Variants in SATB2 observed in about 807,000 individuals in gnomAD.
SATB2 encodes the protein DNA-binding protein SATB2.
Under a neutral mutation model 73.4 loss-of-function variants are expected in SATB2, and 1 was observed. That is an observed-to-expected ratio of 0.01 (90% confidence interval 0.00 to 0.06). The LOEUF (loss-of-function observed/expected upper bound fraction) is 0.06. Among genes scored for constraint, SATB2 ranks in the 10% least tolerant of loss-of-function variants. The pLI, the probability that SATB2 is intolerant of heterozygous loss-of-function variation, is 1.00. For synonymous variants in SATB2, 397 were observed against 367.0 expected, an observed-to-expected ratio of 1.08 and a Z score of -0.93; for missense variants, 459 against 945.8, an observed-to-expected ratio of 0.49 and a Z score of 6.75.
At chr2:199,305,523 T>G (rs1257498746) in intron 10 of SATB2, among the ~76,000 whole-genome samples, 1 of 152,146 alleles carries the variant, frequency 6.6e-6, no homozygotes, top group Non-Finnish European at 1.5e-5. Flanking sequence ...GCTTAAAATG[T>G]CTAAACCTTT....
intron 10 of SATB2, among the ~76,000 whole-genome samples, chr2:199,303,108 C>T (rs1037199500): frequency 6.6e-6 from 1 of 152,180 alleles, no homozygotes; most frequent in African/African-American, 2.4e-5. Flanking sequence ...TGCTGGCTGT[C>T]GCACGTTAGC....
At chr2:199,400,991 C>G (rs1437630742) in intron 3 of SATB2, among the ~76,000 whole-genome samples, 1 of 152,130 alleles carries the variant, frequency 6.6e-6, no homozygotes, top group African/African-American at 2.4e-5. Flanking sequence ...AGGCCTGACT[C>G]AACTAATTCA....
In SATB2 at chr2:199,270,690, G is replaced by A. The variant is rs919718179; in HGVS notation, c.*1521C>T. ...GCCGAAAGAGATCTGGAGTACTATA[G>A]TAGATTGCAGCTTTAATGCTCATCC... is the stretch of plus-strand genomic sequence containing the variant. On this transcript the variant is annotated 3_prime_UTR_variant, in exon 11 of 11. Coordinates refer to ENST00000417098, the MANE Select transcript of SATB2 (RefSeq NM_001172509.2). The A allele has an allele frequency of 2.6e-5, 4 of 152,326 alleles. No individual in the cohort carries two copies. Among genetic ancestry groups the A allele is most frequent in the African/African-American group, 7.2e-5 (3 of 41,454 alleles). The allele number at this position is 152,326 out of a possible 1,614,324, so 9.4% of individuals were successfully genotyped here.
intron 9 of SATB2, among the ~76,000 whole-genome samples, chr2:199,316,144 G>A (rs965021100): frequency 1.3e-5 from 2 of 152,114 alleles, no homozygotes; most frequent in Non-Finnish European, 2.9e-5. Flanking sequence ...ACAAACTTTT[G>A]TAACTGTGAA....
At chr2:199,408,662 T>C (rs1442217623) in intron 3 of SATB2, among the ~76,000 whole-genome samples, 1 of 118,048 alleles carries the variant, frequency 8.5e-6, no homozygotes, top group African/African-American at 3.3e-5. Flanking sequence ...CAAAGACTCC[T>C]GTGGTTGTTT....
Position 199,368,620 on chromosome 2 carries a change from A to G in SATB2, c.685T>C (p.Tyr229His). 1 of 1,601,396 alleles carries G rather than the reference A, an allele frequency of 6.2e-7. No individual in the cohort carries two copies. Among genetic ancestry groups the G allele is most frequent in the Non-Finnish European group, 8.6e-7 (1 of 1,168,778 alleles). Residue 229 changes from tyrosine to histidine, a missense_variant, in exon 6 of 11, where the codon TAC (tyrosine) becomes CAC (histidine). Tyr to His is a moderately conservative substitution (Grantham distance 83). Transcript: ENST00000417098. ...GTCAGTTTACCTTTAATCTTCTTGTACTTTTTATACCATCTCCCAAACTCC... is the reference window on the plus strand; with the variant it reads ...GTCAGTTTACCTTTAATCTTCTTGTGCTTTTTATACCATCTCCCAAACTCC... ...CQEFGRWYKK[Y>H]KKIKVERVER...
intron 7 of SATB2, among the ~76,000 whole-genome samples, chr2:199,333,347 A>G (rs1688243072): frequency 6.6e-6 from 1 of 152,124 alleles, no homozygotes; most frequent in African/African-American, 2.4e-5. Flanking sequence ...AGCCAGAACT[A>G]GTGTCACCTT....
At chr2:199,359,904 T>C (rs1689088848) in intron 6 of SATB2, among the ~76,000 whole-genome samples, 1 of 152,180 alleles carries the variant, frequency 6.6e-6, no homozygotes, top group South Asian at 2.1e-4. Flanking sequence ...AGTTCAGAAC[T>C]CCAAGGGTCA....
intron 3 of SATB2, among the ~76,000 whole-genome samples, chr2:199,382,051 A>C (rs954645381): frequency 6.6e-6 from 1 of 152,146 alleles, no homozygotes; most frequent in African/African-American, 2.4e-5. Context: ...CAGTTCTTTT[A>C]TGTTTTCCTG....
In SATB2 at chr2:199,352,965, T is replaced by C. The variant is rs374845731; in HGVS notation, c.701-3792A>G. ...TGCCTCTGAGACTAGTCACCCTTTA[T>C]GTTTTTCAGCTCCTAACAGTTCTAC... On this transcript the variant is annotated intron_variant, in intron 6 of 10. Transcript: ENST00000417098. Among the ~76,000 whole-genome samples, 9 of 152,188 alleles carry C rather than the reference T, an allele frequency of 5.9e-5. No homozygotes were observed. In the East Asian group the frequency reaches 1.2e-3, roughly 20 times the overall value.
chr2:199,348,685 T>C lies in SATB2; in HGVS notation c.1173+16A>G. On this transcript the variant is annotated intron_variant, in intron 7 of 10. Transcript: ENST00000417098. Reference sequence around the variant, plus strand: ...CCAGTATTACTGTTAATTACAGTGTTTAATGCTAATTGTACCTGTGTGCGG... The same window carrying C: ...CCAGTATTACTGTTAATTACAGTGTCTAATGCTAATTGTACCTGTGTGCGG... 1 of 1,548,936 alleles carries C rather than the reference T, an allele frequency of 6.5e-7. No individual in the cohort carries two copies. Among genetic ancestry groups the C allele is most frequent in the Middle Eastern group, 1.7e-4 (1 of 5,738 alleles).
At position 199,456,000 on chromosome 2, in the gene SATB2, C is replaced by A; in HGVS notation, c.38G>T (p.Ser13Ile). The A allele has an allele frequency of 6.5e-7, 1 of 1,543,028 alleles. No homozygotes were observed. Residue 13 changes from serine to isoleucine, a missense_variant, in exon 2 of 11, where the codon AGC becomes ATC. This residue lies in a region of SATB2 where 74 missense variants were observed against 113.3 expected (regional missense o/e 0.65). Transcript: ENST00000417098. The surrounding 1 kb of genome is among the most constrained non-coding windows in gnomAD (Gnocchi z 4.1). The part of the protein sequence containing the change: ...RRSESPCLRD[S>I]PDRRSGSPDV... ...CGGGCTGCCGCTCCGCCGGTCGGGG[C>A]TGTCCCGCAGACACGGGCTCTCGCT... is the stretch of plus-strand genomic sequence containing the variant.
chr2:199,401,245 G>A (rs1000072931), intron 3 of SATB2, among the ~76,000 whole-genome samples: 2 of 152,010 alleles, frequency 1.3e-5, no homozygotes, highest in Non-Finnish European at 2.9e-5. Context: ...ACAAGTGCTA[G>A]GAATGAAAAT....
At chr2:199,299,271 C>A (rs927625903) in intron 10 of SATB2, among the ~76,000 whole-genome samples, 8 of 152,162 alleles carry the variant, frequency 5.3e-5, no homozygotes, top group Admixed American at 4.6e-4. Flanking sequence ...GATCATTAAT[C>A]AACAGATGCC....
At chr2:199,273,498 A>G (rs1409217622) in intron 10 of SATB2, among the ~76,000 whole-genome samples, 1 of 152,202 alleles carries the variant, frequency 6.6e-6, no homozygotes, top group East Asian at 1.9e-4. Context: ...CAGAAAATCA[A>G]TCCTTTGTAA....
At chr2:199,424,369 G>A (rs1020869181) in intron 3 of SATB2, among the ~76,000 whole-genome samples, 1 of 152,018 alleles carries the variant, frequency 6.6e-6, no homozygotes, top group African/African-American at 2.4e-5. Context: ...TTTCACTCCT[G>A]CCTCTCAAAA....
chr2:199,394,051 A>C (rs1690228012), intron 3 of SATB2, among the ~76,000 whole-genome samples: 1 of 152,218 alleles, frequency 6.6e-6, no homozygotes, highest in Non-Finnish European at 1.5e-5. Flanking sequence ...AAAATTATTA[A>C]AGAGTAACTT....
intron 10 of SATB2, among the ~76,000 whole-genome samples, chr2:199,293,856 A>AT (rs1258965213): frequency 1.3e-5 from 2 of 152,138 alleles, no homozygotes; most frequent in African/African-American, 4.8e-5. Flanking sequence ...CAAAACATGA[A>AT]AAAGGGGGAG....
intron 3 of SATB2, among the ~76,000 whole-genome samples, chr2:199,426,282 CT>C (rs1559047696): frequency 6.6e-6 from 1 of 151,920 alleles, no homozygotes; most frequent in East Asian, 1.9e-4. Context: ...AAGCTTTCTT[CT>C]TTTTTATTTA....
Sources: allele counts gnomAD v4.1 joint callset (sites outside exome capture counted in the v4.1 genomes callset), GRCh38; gene constraint gnomAD v4.1.1; regional missense constraint gnomAD v4.1.1; non-coding constraint Gnocchi (gnomAD v3.1); transcripts MANE v1.5; gene names NCBI Gene and HGNC (gene_info 2026-07-23, HGNC 2026-07-21).